The following LRRC8C variants were observed in gnomAD, a reference collection of about 807,000 sequenced individuals.
LRRC8C encodes the protein volume-regulated anion channel subunit LRRC8C.
In LRRC8C, 20 loss-of-function variants were observed where a neutral mutation model predicts 55.3. The observed-to-expected ratio is 0.36, with a 90% CI of 0.25 to 0.53. The LOEUF is 0.53. LRRC8C is among the 20% of genes least tolerant of loss of function. The pLI is 0.92. For missense variants in LRRC8C, 659 were observed against 951.4 expected, an observed-to-expected ratio of 0.69 and a Z score of 4.04; for synonymous variants, 376 against 360.7, an observed-to-expected ratio of 1.04 and a Z score of -0.48.
chr1:89,713,632 C>T lies in LRRC8C; in HGVS notation c.1062C>T (p.Val354=). The change falls in exon 3 of 3, where the codon GTC becomes GTT. Residue 354 remains valine, a synonymous_variant. Transcript: ENST00000370454. This position sits in a 1 kb window ranked among gnomAD's most constrained non-coding sequence, Gnocchi z 5.2. ...RSLREYSFEY[V]RQETGIDDIP... ...TACGGGAATATTCCTTTGAGTATGTCCGTCAGGAGACTGGAATTGATGATA... is the reference window on the plus strand; with the variant it reads ...TACGGGAATATTCCTTTGAGTATGTTCGTCAGGAGACTGGAATTGATGATA... 9 of 1,614,120 alleles carry T rather than the reference C, an allele frequency of 5.6e-6. No individual in the cohort carries two copies. Among genetic ancestry groups the T allele is most frequent in the Non-Finnish European group, 7.6e-6 (9 of 1,180,016 alleles).
intron 1 of LRRC8C, among the ~76,000 whole-genome samples, chr1:89,662,170 AT>A (rs1381746880): frequency 6.6e-6 from 1 of 152,190 alleles, no homozygotes; most frequent in Non-Finnish European, 1.5e-5. Flanking sequence ...AAATCACAAA[AT>A]CTCATAATGT....
the LRRC8C span, among the ~76,000 whole-genome samples, chr1:89,623,889 A>G: frequency 6.6e-6 from 1 of 152,226 alleles, no homozygotes; most frequent in Non-Finnish European, 1.5e-5. Context: ...AGAAATGTGG[A>G]GGGTCTGAAA....
intron 1 of LRRC8C, among the ~76,000 whole-genome samples, chr1:89,645,696 A>G (rs769158265): frequency 2.0e-5 from 3 of 152,148 alleles, no homozygotes; most frequent in Non-Finnish European, 2.9e-5. Flanking sequence ...AAAAAAGGAC[A>G]AAACATTATT....
chr1:89,661,870 G>T (rs1475915037), intron 1 of LRRC8C, among the ~76,000 whole-genome samples: 1 of 136,284 alleles, frequency 7.3e-6, no homozygotes, highest in African/African-American at 2.7e-5. Flanking sequence ...GAGGGTGAAG[G>T]CTTGGACCAG....
At chr1:89,663,341 C>T (rs779944652) in intron 1 of LRRC8C, among the ~76,000 whole-genome samples, 29 of 152,104 alleles carry the variant, frequency 1.9e-4, no homozygotes, top group African/African-American at 2.7e-4. Flanking sequence ...GAGGCAGAGG[C>T]GGGCGGATCA....
chr1:89,636,294 T>C (rs576627255), intron 1 of LRRC8C, among the ~76,000 whole-genome samples: 1 of 152,324 alleles, frequency 6.6e-6, no homozygotes, highest in East Asian at 1.9e-4. Flanking sequence ...TTTCACTTTA[T>C]GTATATTTTA....
At chr1:89,674,760 A>G (rs1657509659) in intron 1 of LRRC8C, among the ~76,000 whole-genome samples, 1 of 152,224 alleles carries the variant, frequency 6.6e-6, no homozygotes, top group Non-Finnish European at 1.5e-5. Flanking sequence ...GTTTTTCTGC[A>G]ATTATCAAAC....
intron 1 of LRRC8C, among the ~76,000 whole-genome samples, chr1:89,651,434 G>A (rs1045751821): frequency 2.4e-4 from 37 of 151,678 alleles, no homozygotes; most frequent in African/African-American, 8.5e-4. Context: ...CGGGCATGGT[G>A]GCGGGCGCCT....
intron 2 of LRRC8C, chr1:89,706,399 A>G (rs1169707256): frequency 2.2e-6 from 1 of 452,784 alleles, no homozygotes; most frequent in Non-Finnish European, 4.4e-6. Context: ...TAGTTATCAC[A>G]GGTGGGTTCT....
chr1:89,693,919 A>G (rs1186809705), intron 2 of LRRC8C, among the ~76,000 whole-genome samples: 1 of 151,896 alleles, frequency 6.6e-6, no homozygotes, highest in African/African-American at 2.4e-5. Flanking sequence ...AGCCTTCCAA[A>G]GTGCTGGGAT....
the LRRC8C span, among the ~76,000 whole-genome samples, chr1:89,616,116 G>A: frequency 6.6e-6 from 1 of 152,088 alleles, no homozygotes; most frequent in Non-Finnish European, 1.5e-5. Flanking sequence ...CTACTCCCTT[G>A]TGCCTCCACC....
chr1:89,687,494 A>G (rs1406024125), intron 2 of LRRC8C, among the ~76,000 whole-genome samples: 1 of 152,162 alleles, frequency 6.6e-6, no homozygotes, highest in Non-Finnish European at 1.5e-5. Flanking sequence ...TTGATATAAG[A>G]GCTGAAGCCA....
chr1:89,650,682 A>G (rs1306454275), intron 1 of LRRC8C, among the ~76,000 whole-genome samples: 1 of 152,082 alleles, frequency 6.6e-6, no homozygotes, highest in Non-Finnish European at 1.5e-5. Context: ...GTTTCTTAGT[A>G]ATATAGTAAA....
At chr1:89,688,245 G>A (rs558249961) in intron 2 of LRRC8C, among the ~76,000 whole-genome samples, 1 of 152,206 alleles carries the variant, frequency 6.6e-6, no homozygotes, top group South Asian at 2.1e-4. Flanking sequence ...AAAAAAAGGG[G>A]CATAAATTCA....
At chr1:89,692,271 A>G (rs1255401833) in intron 2 of LRRC8C, among the ~76,000 whole-genome samples, 2 of 152,242 alleles carry the variant, frequency 1.3e-5, no homozygotes, top group African/African-American at 4.8e-5. Flanking sequence ...TTACAAAGCA[A>G]GTTAACTCCT....
At chr1:89,669,533 A>G (rs1210544569) in intron 1 of LRRC8C, among the ~76,000 whole-genome samples, 3 of 152,328 alleles carry the variant, frequency 2.0e-5, no homozygotes, top group African/African-American at 7.2e-5. Flanking sequence ...GCTGTCATCT[A>G]TTGAGTGCTA....
Position 89,714,471 on chromosome 1 carries a change from A to C in LRRC8C, c.1901A>C (p.Gln634Pro). 1 of 1,614,212 alleles carries C rather than the reference A, an allele frequency of 6.2e-7. No homozygotes were observed. The highest frequency in any genetic ancestry group is 1.3e-5 in the African/African-American group (1 of 75,048). Reference sequence around the variant, plus strand: ...TCTATAGAAGAAATCGTTAGCTTTCAGCACTTAAGAAAGTTGACAGTGCTA... The same window carrying C: ...TCTATAGAAGAAATCGTTAGCTTTCCGCACTTAAGAAAGTTGACAGTGCTA... ...LKSIEEIVSFQHLRKLTVLKL... is the reference protein window; with the variant it reads ...LKSIEEIVSFPHLRKLTVLKL... Residue 634 changes from glutamine to proline, a missense_variant, in exon 3 of 3, where the codon CAG becomes CCG. By Grantham distance (76) the Gln-to-Pro change is moderately conservative. Transcript: ENST00000370454. The surrounding 1 kb of genome is among the most constrained non-coding windows in gnomAD (Gnocchi z 4.6).
chr1:89,660,863 C>T (rs1657099767), intron 1 of LRRC8C, among the ~76,000 whole-genome samples: 1 of 152,188 alleles, frequency 6.6e-6, no homozygotes, highest in Non-Finnish European at 1.5e-5. Context: ...GGTCATTTAA[C>T]AATGGGTTGT....
At chr1:89,682,565 T>A (rs1339502311) in intron 1 of LRRC8C, among the ~76,000 whole-genome samples, 1 of 152,236 alleles carries the variant, frequency 6.6e-6, no homozygotes, top group Non-Finnish European at 1.5e-5. Context: ...AATGCTAAGA[T>A]GTTTTTTGCC....
Sources: allele counts gnomAD v4.1 joint callset (sites outside exome capture counted in the v4.1 genomes callset), GRCh38; gene constraint gnomAD v4.1.1; non-coding constraint Gnocchi (gnomAD v3.1); transcripts MANE v1.5; gene names NCBI Gene and HGNC (gene_info 2026-07-23, HGNC 2026-07-21).